MTUS2: variants seen among roughly 807,000 people sequenced by gnomAD.
The protein encoded by MTUS2 is microtubule-associated tumor suppressor candidate 2.
In MTUS2, 40 loss-of-function variants were observed where a neutral mutation model predicts 114.1. The observed-to-expected ratio is 0.35, with a 90% CI of 0.27 to 0.46. MTUS2 has a LOEUF of 0.46. Ranked by LOEUF, MTUS2 falls within the 20% of genes least tolerant of loss-of-function variation. The probability of loss-of-function intolerance (pLI) is 1.00; values close to 1 mark genes in which losing one functional copy is unlikely to be tolerated. For synonymous variants in MTUS2, 688 were observed against 672.0 expected (o/e 1.02, Z -0.37); for missense variants, 1,679 against 1,705.4 (o/e 0.98, Z 0.27).
At chr13:28,954,690 G>T (rs1882975555) in intron 2 of MTUS2, among the ~76,000 whole-genome samples, 1 of 152,138 alleles carries the variant, frequency 6.6e-6, no homozygotes, top group Non-Finnish European at 1.5e-5. Flanking sequence ...CCAAGAACGT[G>T]TGTGACATAA....
intron 7 of MTUS2, among the ~76,000 whole-genome samples, chr13:29,349,631 G>A (rs544772277): frequency 1.3e-5 from 2 of 151,696 alleles, no homozygotes; most frequent in African/African-American, 4.8e-5. Flanking sequence ...AAATATTTTT[G>A]CTTTGTTCAG....
At chr13:29,155,625 T>C in intron 5 of MTUS2, among the ~76,000 whole-genome samples, 1 of 152,142 alleles carries the variant, frequency 6.6e-6, no homozygotes, top group East Asian at 1.9e-4. Flanking sequence ...ATAATATCCA[T>C]AGAAGATTGT....
At chr13:29,142,775 G>T (rs749281692) in intron 5 of MTUS2, among the ~76,000 whole-genome samples, 2 of 152,116 alleles carry the variant, frequency 1.3e-5, no homozygotes, top group Non-Finnish European at 2.9e-5. Flanking sequence ...AGGTAGAGCT[G>T]GATAGAGTTA....
At chr13:29,388,772 C>T (rs1264194138) in intron 8 of MTUS2, among the ~76,000 whole-genome samples, 1 of 151,946 alleles carries the variant, frequency 6.6e-6, no homozygotes, top group African/African-American at 2.4e-5. Flanking sequence ...TCTTAAGGCT[C>T]GTGTTCTGTC....
intron 5 of MTUS2, among the ~76,000 whole-genome samples, chr13:29,176,415 G>A (rs747943109): frequency 2.6e-5 from 4 of 152,174 alleles, no homozygotes; most frequent in Non-Finnish European, 4.4e-5. Flanking sequence ...TGTGGTGTCC[G>A]TTGTGTGTTC....
chr13:29,152,251 A>T (rs1380678166), intron 5 of MTUS2, among the ~76,000 whole-genome samples: 1 of 152,178 alleles, frequency 6.6e-6, no homozygotes, highest in Non-Finnish European at 1.5e-5. Context: ...ATTAAGATAG[A>T]GAGGAGTTCC....
intron 15 of MTUS2, among the ~76,000 whole-genome samples, chr13:29,501,549 G>C (rs7333701): frequency 0.056 from 8,547 of 152,278 alleles, 296 homozygotes; most frequent in Middle Eastern, 0.18. Flanking sequence ...CCAACTTCCA[G>C]AAATTCACAA....
At position 28,864,423 on chromosome 13, in the gene MTUS2, C is replaced by T. The variant is rs371262429; in HGVS notation, c.-243+24573C>T. ...GGAATGTGTTGTGGCAAGAGACTGA[C>T]ACCTGCAGCTCTTGAAATTCTCAGG... On this transcript the variant is annotated intron_variant, in intron 2 of 15. Coordinates refer to ENST00000612955, the MANE Select transcript of MTUS2 (RefSeq NM_001033602.4). Among the ~76,000 whole-genome samples the T allele has an allele frequency of 5.3e-5, 8 of 152,188 alleles. No individual in the cohort carries two copies. In the East Asian group the frequency reaches 1.5e-3, roughly 29 times the overall value.
At chr13:29,107,386 T>A (rs993653733) in intron 5 of MTUS2, among the ~76,000 whole-genome samples, 1 of 152,142 alleles carries the variant, frequency 6.6e-6, no homozygotes, top group Non-Finnish European at 1.5e-5. Flanking sequence ...CTTTTTCTCT[T>A]ATGTAAGGGT....
At chr13:29,412,455 G>A (rs1400405464) in intron 8 of MTUS2, among the ~76,000 whole-genome samples, 2 of 152,134 alleles carry the variant, frequency 1.3e-5, no homozygotes, top group Admixed American at 6.5e-5. Flanking sequence ...ATTCTGTGGT[G>A]TTAGATTGTG....
intron 2 of MTUS2, among the ~76,000 whole-genome samples, chr13:28,966,598 G>T (rs1251241823): frequency 6.6e-6 from 1 of 151,760 alleles, no homozygotes; most frequent in Non-Finnish European, 1.5e-5. Context: ...AGTGGTACAT[G>T]TCTGCAGTCC....
intron 8 of MTUS2, among the ~76,000 whole-genome samples, chr13:29,398,093 ATTAC>A (rs1257252295): frequency 1.3e-5 from 2 of 152,234 alleles, no homozygotes; most frequent in Admixed American, 6.5e-5. Context: ...TATCTGTTAT[ATTAC>A]TTGCTATACT....
chr13:29,441,771 T>C (rs995128450), intron 9 of MTUS2, among the ~76,000 whole-genome samples: 9 of 152,118 alleles, frequency 5.9e-5, no homozygotes, highest in Non-Finnish European at 1.2e-4. Flanking sequence ...CATGCACACA[T>C]TGTACATGTG....
intron 8 of MTUS2, among the ~76,000 whole-genome samples, chr13:29,426,906 G>C (rs1442579542): frequency 6.6e-6 from 1 of 152,158 alleles, no homozygotes; most frequent in African/African-American, 2.4e-5. Flanking sequence ...GAGCGTGGGG[G>C]TATACTAAGC....
chr13:29,275,260 A>G (rs9551639), intron 5 of MTUS2, among the ~76,000 whole-genome samples: 1 of 152,094 alleles, frequency 6.6e-6, no homozygotes, highest in Non-Finnish European at 1.5e-5. Flanking sequence ...CATAGTAAGT[A>G]TGTATATTTA....
intron 5 of MTUS2, among the ~76,000 whole-genome samples, chr13:29,128,218 G>C (rs1891601361): frequency 6.6e-6 from 1 of 152,340 alleles, no homozygotes; most frequent in Non-Finnish European, 1.5e-5. Context: ...CTGGGCCACT[G>C]CTGGGCAGGC....
At chr13:29,379,113 C>A (rs551446900) in intron 8 of MTUS2, among the ~76,000 whole-genome samples, 3 of 152,350 alleles carry the variant, frequency 2.0e-5, no homozygotes, top group East Asian at 1.9e-4. Flanking sequence ...GAGGCCTCCC[C>A]AGCCCTGCGG....
At chr13:28,883,187 G>A (rs910576850) in intron 2 of MTUS2, among the ~76,000 whole-genome samples, 1 of 152,176 alleles carries the variant, frequency 6.6e-6, no homozygotes, top group African/African-American at 2.4e-5. Context: ...CTGGATCACT[G>A]ATGTATTTCT....
intron 5 of MTUS2, among the ~76,000 whole-genome samples, chr13:29,200,862 T>C (rs1358548213): frequency 6.6e-6 from 1 of 152,182 alleles, no homozygotes; most frequent in African/African-American, 2.4e-5. Flanking sequence ...GATTGCACTG[T>C]GGCCTGAGAG....
Sources: gnomAD v4.1 joint callset for allele counts (sites outside exome capture counted in the v4.1 genomes callset) on GRCh38, gnomAD v4.1.1 for gene constraint, MANE v1.5 for transcripts, NCBI Gene and HGNC (gene_info 2026-07-23, HGNC 2026-07-21) for gene names.